The following COBL variants were observed in gnomAD, a reference collection of about 807,000 sequenced individuals.
COBL encodes the protein protein cordon-bleu.
In COBL, 51 loss-of-function variants were observed where a neutral mutation model predicts 98.8. The observed-to-expected ratio is 0.52, with a 90% CI of 0.41 to 0.65. COBL has a LOEUF of 0.65. Ranked by LOEUF, COBL falls within the 30% of genes least tolerant of loss-of-function variation. The pLI is 0.00. For missense variants in COBL, 1,617 were observed against 1,617.5 expected, an observed-to-expected ratio of 1.00 and a Z score of 0.01; for synonymous variants, 634 against 651.7, an observed-to-expected ratio of 0.97 and a Z score of 0.41.
At chr7:51,021,279 C>T (rs1208823027) in intron 12 of COBL, 2 of 152,180 alleles carry the variant, frequency 1.3e-5, no homozygotes, top group Non-Finnish European at 2.9e-5. Flanking sequence ...ATTGTATTTT[C>T]CTCAAGGTTA....
rs1270334961 is a variant in COBL, at chr7:51,253,123, C to T, written c.42-33179G>A. Among the ~76,000 whole-genome samples, 3 of 152,108 alleles carry T rather than the reference C, an allele frequency of 2.0e-5. No homozygotes were observed. The East Asian group carries it at 5.8e-4, about 29-fold the overall frequency. ...CCTGTGATCCCAGCTACTCAAGAGG[C>T]TGAGGCAGGACAACTGCTTGAACCC... On this transcript the variant is annotated intron_variant, in intron 1 of 12. Transcript: ENST00000265136.
intron 1 of COBL, among the ~76,000 whole-genome samples, chr7:51,265,683 G>T (rs1798136148): frequency 6.6e-6 from 1 of 152,168 alleles, no homozygotes; most frequent in Admixed American, 6.5e-5. Flanking sequence ...AGGTGGGCTG[G>T]CTTCTCCGGA....
intron 7 of COBL, among the ~76,000 whole-genome samples, chr7:51,053,304 A>G (rs1055202991): frequency 1.3e-5 from 2 of 152,188 alleles, no homozygotes; most frequent in African/African-American, 4.8e-5. Flanking sequence ...TAAGAGAGGA[A>G]AGGAGTCAGA....
chr7:51,069,548 G>C (rs1161304096), intron 7 of COBL, among the ~76,000 whole-genome samples: 1 of 152,340 alleles, frequency 6.6e-6, no homozygotes, highest in East Asian at 1.9e-4. Flanking sequence ...GAGCCCTTTG[G>C]GAAGGCTCTT....
chr7:51,175,563 CACA>C (rs1562997256), intron 5 of COBL, among the ~76,000 whole-genome samples: 1 of 152,180 alleles, frequency 6.6e-6, no homozygotes, highest in East Asian at 1.9e-4. Flanking sequence ...TGGGACATAC[CACA>C]ACATTTATTT....
chr7:51,290,287 T>A (rs915703695), intron 1 of COBL, among the ~76,000 whole-genome samples: 1 of 152,238 alleles, frequency 6.6e-6, no homozygotes, highest in Non-Finnish European at 1.5e-5. Flanking sequence ...TCAGCACATC[T>A]AATTTGCATT....
At chr7:51,168,651 C>A (rs1012728538) in intron 5 of COBL, among the ~76,000 whole-genome samples, 1 of 152,022 alleles carries the variant, frequency 6.6e-6, no homozygotes, top group Admixed American at 6.6e-5. Context: ...AAAAGGGAAC[C>A]CTCATACACT....
intron 1 of COBL, among the ~76,000 whole-genome samples, chr7:51,313,641 A>G (rs1267095639): frequency 1.3e-5 from 2 of 150,974 alleles, no homozygotes; most frequent in Non-Finnish European, 3.0e-5. Flanking sequence ...CCTCCATAGG[A>G]AAAAAAAAAT....
At chr7:51,135,758 C>T (rs1172976454) in intron 6 of COBL, among the ~76,000 whole-genome samples, 1 of 152,162 alleles carries the variant, frequency 6.6e-6, no homozygotes, top group African/African-American at 2.4e-5. Flanking sequence ...AATGAATGGA[C>T]TCTGAATTTG....
In COBL at chr7:51,293,144, T is replaced by A. The variant is rs749264330; in HGVS notation, c.41+23449A>T. On this transcript the variant is annotated intron_variant, in intron 1 of 12. Coordinates refer to ENST00000265136, the MANE Select transcript of COBL (RefSeq NM_015198.5). The stretch of plus-strand genomic sequence containing the variant: ...AACAGCCTGGCATTTTTGTAGTTGT[T>A]TGTTTGCTTTGTTTTGTTTTCACCA... Among the ~76,000 whole-genome samples the A allele has an allele frequency of 3.9e-5, 6 of 152,220 alleles. No homozygotes were observed. In the South Asian group the frequency reaches 1.2e-3, roughly 32 times the overall value.
At chr7:51,081,330 G>A (rs928834468) in intron 7 of COBL, among the ~76,000 whole-genome samples, 3 of 152,222 alleles carry the variant, frequency 2.0e-5, no homozygotes, top group Admixed American at 6.5e-5. Context: ...TGTACCTGGG[G>A]GAATGAACTG....
chr7:51,159,335 G>C (rs1786545693), intron 5 of COBL, among the ~76,000 whole-genome samples: 2 of 152,212 alleles, frequency 1.3e-5, no homozygotes, highest in East Asian at 3.9e-4. Context: ...GACGCTATGA[G>C]GGTTGCAGGT....
chr7:51,149,127 C>T (rs1260993418), intron 5 of COBL, among the ~76,000 whole-genome samples: 4 of 152,200 alleles, frequency 2.6e-5, no homozygotes. Context: ...TGCTCTGCTG[C>T]TTGGCTTGAT....
At chr7:51,142,673 A>G (rs1015724237) in intron 5 of COBL, among the ~76,000 whole-genome samples, 2 of 152,138 alleles carry the variant, frequency 1.3e-5, no homozygotes, top group African/African-American at 4.8e-5. Flanking sequence ...CATGAGCTAC[A>G]GCGCCCGAGC....
chr7:51,071,790 C>G (rs559099092), intron 7 of COBL: 1 of 152,222 alleles, frequency 6.6e-6, no homozygotes, highest in South Asian at 2.1e-4. Context: ...AAGTCTGGGC[C>G]ATAAATCCTA....
chr7:51,205,776 A>G, intron 2 of COBL, among the ~76,000 whole-genome samples: 1 of 152,146 alleles, frequency 6.6e-6, no homozygotes, highest in Non-Finnish European at 1.5e-5. Context: ...AGAGAAGTGC[A>G]ATCTATGGAA....
intron 1 of COBL, among the ~76,000 whole-genome samples, chr7:51,284,006 C>T (rs1266365861): frequency 6.6e-6 from 1 of 151,674 alleles, no homozygotes; most frequent in Non-Finnish European, 1.5e-5. Flanking sequence ...AAAGAATAGG[C>T]TGGGCACGGT....
chr7:51,198,627 T>G (rs1373510013), intron 2 of COBL, among the ~76,000 whole-genome samples: 9 of 152,238 alleles, frequency 5.9e-5, no homozygotes, highest in Admixed American at 5.9e-4. Flanking sequence ...ACAGGTTTTT[T>G]TCCTCTGATC....
At chr7:51,183,425 G>C (rs115006969) in intron 5 of COBL, among the ~76,000 whole-genome samples, 3,502 of 151,992 alleles carry the variant, frequency 0.023, 139 homozygotes, top group African/African-American at 0.08. Context: ...TTTCTTGGTA[G>C]TCAGAAGGCA....
Sources: allele counts gnomAD v4.1 joint callset (sites outside exome capture counted in the v4.1 genomes callset), GRCh38; gene constraint gnomAD v4.1.1; transcripts MANE v1.5; gene names NCBI Gene and HGNC (gene_info 2026-07-23, HGNC 2026-07-21).